The following APP variants were observed in gnomAD, a reference collection of about 807,000 sequenced individuals.
APP encodes the protein amyloid-beta precursor protein.
APP carries 31 observed loss-of-function variants against 101.4 expected under a neutral mutation model. The observed-to-expected ratio is 0.31, with a 90% confidence interval of 0.23 to 0.41. The LOEUF (loss-of-function observed/expected upper bound fraction) is 0.41. Among genes scored for constraint, APP ranks in the 10% least tolerant of loss-of-function variants. APP has a pLI of 1.00. For synonymous variants in APP, 366 were observed against 364.4 expected (o/e 1.00, Z -0.05); for missense variants, 839 against 1,003.7 (o/e 0.84, Z 2.22).
intron 6 of APP, among the ~76,000 whole-genome samples, chr21:26,016,336 C>G (rs1394423126): frequency 2.0e-5 from 3 of 152,120 alleles, no homozygotes; most frequent in Admixed American, 1.3e-4. Flanking sequence ...CCAGCCTGAT[C>G]ACTTCAAGTA....
intron 1 of APP, among the ~76,000 whole-genome samples, chr21:26,158,500 C>CT: frequency 6.6e-6 from 1 of 152,236 alleles, no homozygotes; most frequent in South Asian, 2.1e-4. Context: ...TACATGCTCC[C>CT]TTGCATCGAG....
intron 9 of APP, 142 bp downstream of exon 9, chr21:25,982,202 C>T: frequency 1.1e-6 from 1 of 942,266 alleles, no homozygotes; most frequent in Non-Finnish European, 1.7e-6. Context: ...ACAAACTGTG[C>T]CCACACAGTA....
intron 13 of APP, among the ~76,000 whole-genome samples, chr21:25,935,940 T>TG (rs2040346854): frequency 6.7e-6 from 1 of 150,216 alleles, no homozygotes; most frequent in African/African-American, 2.5e-5. Context: ...CAAGGCCGAG[T>TG]TTAGGCTGCC....
chr21:26,032,941 T>C (rs1260684794), intron 5 of APP, among the ~76,000 whole-genome samples: 1 of 152,114 alleles, frequency 6.6e-6, no homozygotes, highest in African/African-American at 2.4e-5. Flanking sequence ...GTGAAGTGCA[T>C]ATTAACAATA....
At chr21:25,924,781 GAAAAA>G (rs112870630) in intron 13 of APP, among the ~76,000 whole-genome samples, 2 of 135,216 alleles carry the variant, frequency 1.5e-5, no homozygotes, top group Non-Finnish European at 3.2e-5. Flanking sequence ...AGTAAACAAA[GAAAAA>G]AAAAAAAAGC....
chr21:25,987,386 G>C (rs2042679329), intron 8 of APP, among the ~76,000 whole-genome samples: 1 of 152,166 alleles, frequency 6.6e-6, no homozygotes, highest in Admixed American at 6.5e-5. Context: ...CTTAGCTCTA[G>C]GTTTTGACCT....
chr21:26,170,023 G>T (rs1483743225), intron 1 of APP, among the ~76,000 whole-genome samples: 1 of 152,160 alleles, frequency 6.6e-6, no homozygotes, highest in Non-Finnish European at 1.5e-5. Context: ...GGGGGATGGG[G>T]GTGAGAGAGG....
intron 5 of APP, among the ~76,000 whole-genome samples, chr21:26,039,055 T>C (rs1202292011): frequency 6.6e-6 from 1 of 152,230 alleles, no homozygotes; most frequent in East Asian, 1.9e-4. Flanking sequence ...CCTTGACTAC[T>C]TGGATGCGTC....
chr21:26,116,960 C>A (rs976763969), intron 1 of APP, among the ~76,000 whole-genome samples: 1 of 152,166 alleles, frequency 6.6e-6, no homozygotes, highest in Non-Finnish European at 1.5e-5. Flanking sequence ...CGGCTCACTG[C>A]AACCTCTCCG....
At chr21:26,104,969 C>T (rs1469697089) in intron 2 of APP, among the ~76,000 whole-genome samples, 5 of 145,868 alleles carry the variant, frequency 3.4e-5, no homozygotes, top group African/African-American at 1.0e-4. Context: ...AAAGTGAGAA[C>T]GCAAAGTAAA....
intron 3 of APP, among the ~76,000 whole-genome samples, chr21:26,073,149 G>A (rs2061438750): frequency 6.6e-6 from 1 of 152,090 alleles, no homozygotes. Context: ...TGTGTTGTGT[G>A]AGAAAATGGA....
chr21:26,142,394 C>A (rs561412626), intron 1 of APP, among the ~76,000 whole-genome samples: 1 of 152,282 alleles, frequency 6.6e-6, no homozygotes, highest in South Asian at 2.1e-4. Context: ...GCATCCTGTG[C>A]TTATTTTCAC....
intron 1 of APP, among the ~76,000 whole-genome samples, chr21:26,124,773 C>A (rs2062646847): frequency 6.6e-6 from 1 of 152,212 alleles, no homozygotes; most frequent in Non-Finnish European, 1.5e-5. Flanking sequence ...CCACTCTACA[C>A]AGATAAGATT....
chr21:26,112,175 G>C (rs1466088040), intron 1 of APP, 29 bp from the exon 2 acceptor site: 1 of 1,611,550 alleles, frequency 6.2e-7, no homozygotes, highest in Non-Finnish European at 8.5e-7. Flanking sequence ...GTTAGTTATA[G>C]TATCCATAGC....
Position 26,143,556 on chromosome 21 carries a change from T to A in APP, c.57+27008A>T, listed in dbSNP as rs530836573. Among the ~76,000 whole-genome samples the A allele has an allele frequency of 3.9e-5, 6 of 152,364 alleles. No individual in the cohort carries two copies. The South Asian group carries it at 1.2e-3, about 32-fold the overall frequency. ...TATCCATCACCTCAGAGTTACTTTT[T>A]TTGTTCTGTGTGGTAAGAATATTTA... On this transcript the variant is annotated intron_variant, in intron 1 of 17. Transcript: ENST00000346798.
At chr21:26,002,143 G>A (rs893415653) in intron 6 of APP, among the ~76,000 whole-genome samples, 4 of 152,168 alleles carry the variant, frequency 2.6e-5, no homozygotes, top group South Asian at 2.1e-4. Context: ...TGATGCTTTC[G>A]TAGCCACGTT....
At chr21:26,084,724 A>C (rs2061669549) in intron 3 of APP, among the ~76,000 whole-genome samples, 1 of 152,248 alleles carries the variant, frequency 6.6e-6, no homozygotes, top group Non-Finnish European at 1.5e-5. Flanking sequence ...AAGATCAAGA[A>C]TCTTCCTGAA....
chr21:25,949,983 C>G (rs1317003417), intron 13 of APP, among the ~76,000 whole-genome samples: 1 of 152,180 alleles, frequency 6.6e-6, no homozygotes, highest in Admixed American at 6.5e-5. Flanking sequence ...ACTGAATTTC[C>G]GAGTATCTTC....
At position 26,032,376 on chromosome 21, in the gene APP, C is replaced by G. The variant is rs574786022; in HGVS notation, c.663-10334G>C. Among the ~76,000 whole-genome samples, 74 of 152,248 alleles carry G rather than the reference C, an allele frequency of 4.9e-4. 2 individuals carry two copies. The South Asian group carries it at 0.015, about 31-fold the overall frequency. On this transcript the variant is annotated intron_variant, in intron 5 of 17. Coordinates refer to ENST00000346798, the MANE Select transcript of APP (RefSeq NM_000484.4). ...AGGAACGACTACACTTACATATACTCCAGTTAATTGTATGTTCTAGTTATG... is the reference window on the plus strand; with the variant it reads ...AGGAACGACTACACTTACATATACTGCAGTTAATTGTATGTTCTAGTTATG...
Sources: gnomAD v4.1 joint callset for allele counts (sites outside exome capture counted in the v4.1 genomes callset) on GRCh38, gnomAD v4.1.1 for gene constraint, MANE v1.5 for transcripts, NCBI Gene and HGNC (gene_info 2026-07-23, HGNC 2026-07-21) for gene names.